Variants in CHD1L observed in about 807,000 individuals in gnomAD.
CHD1L encodes the protein ATP-dependent chromatin remodeler CHD1L.
In CHD1L, 118 loss-of-function variants were observed where a neutral mutation model predicts 115.9. The ratio of observed to expected loss-of-function variants is 1.02; its 90% confidence interval spans 0.88 to 1.19. CHD1L has a LOEUF of 1.19. Among genes scored for constraint, CHD1L ranks in the 50% most tolerant of loss-of-function variants. The pLI is 0.00. For synonymous variants in CHD1L, 411 were observed against 387.1 expected, an observed-to-expected ratio of 1.06 and a Z score of -0.72; for missense variants, 1,179 against 1,065.3, an observed-to-expected ratio of 1.11 and a Z score of -1.49.
Position 147,287,630 on chromosome 1 carries a change from A to G in CHD1L, c.2222-5A>G, listed in dbSNP as rs372696634. On this transcript the variant is annotated splice_polypyrimidine_tract_variant and splice_region_variant and intron_variant, in intron 18 of 22. Transcript: ENST00000369258. ...TAGATGAAAATTTTCTCTTTCTTCA[A>G]ACAGATGACTCTGGCCACTGGGGCA... 5 of 1,611,768 alleles carry G rather than the reference A, an allele frequency of 3.1e-6. No individual in the cohort carries two copies. The highest frequency in any genetic ancestry group is 2.7e-5 in the African/African-American group (2 of 74,710).
intron 6 of CHD1L, among the ~76,000 whole-genome samples, chr1:147,262,248 T>C (rs1553944669): frequency 6.6e-6 from 1 of 150,724 alleles, no homozygotes; most frequent in African/African-American, 2.4e-5. Flanking sequence ...ATATAGGGAA[T>C]TGGTTGTACA....
chr1:147,233,637 G>A, the CHD1L span, among the ~76,000 whole-genome samples: 7 of 152,296 alleles, frequency 4.6e-5, no homozygotes, highest in East Asian at 7.7e-4. Flanking sequence ...TGACAATGGC[G>A]GTTGTGGAAT....
chr1:147,277,127 G>A (rs1387619419), intron 14 of CHD1L, among the ~76,000 whole-genome samples: 1 of 152,138 alleles, frequency 6.6e-6, no homozygotes, highest in Non-Finnish European at 1.5e-5. Context: ...AAAATAAGAA[G>A]TAGGGCAGAG....
chr1:147,234,534 T>C, the CHD1L span, among the ~76,000 whole-genome samples: 3 of 152,244 alleles, frequency 2.0e-5, no homozygotes, highest in Admixed American at 2.0e-4. Context: ...ATAACACATG[T>C]AAAGTGCCCA....
chr1:147,196,650 G>A, the CHD1L span, among the ~76,000 whole-genome samples: 4 of 151,830 alleles, frequency 2.6e-5, no homozygotes, highest in Non-Finnish European at 5.9e-5. Context: ...TATACTCTGT[G>A]GTACAGTTAT....
chr1:147,255,678 C>G, intron 3 of CHD1L, 135 bp from the exon 4 acceptor site: 1 of 547,758 alleles, frequency 1.8e-6, no homozygotes. Context: ...AGATTCAGAG[C>G]CCCAAGACTC....
At chr1:147,197,746 A>G in the CHD1L span, among the ~76,000 whole-genome samples, 1 of 152,172 alleles carries the variant, frequency 6.6e-6, no homozygotes, top group African/African-American at 2.4e-5. Flanking sequence ...ACTCAGCCTC[A>G]GGCAGTTCTT....
intron 14 of CHD1L, among the ~76,000 whole-genome samples, chr1:147,277,110 AGAAAG>A (rs1453466553): frequency 1.3e-5 from 2 of 152,192 alleles, no homozygotes; most frequent in Admixed American, 6.5e-5. Context: ...TGAGGAGAGA[AGAAAG>A]GAAAATAAGA....
At chr1:147,234,630 T>C in the CHD1L span, among the ~76,000 whole-genome samples, 1 of 152,360 alleles carries the variant, frequency 6.6e-6, no homozygotes, top group East Asian at 1.9e-4. Flanking sequence ...TAAAAATGTT[T>C]TTACTAATTT....
the CHD1L span, chr1:147,212,669 T>A: frequency 1.2e-6 from 1 of 829,104 alleles, no homozygotes; most frequent in Non-Finnish European, 1.9e-6. Context: ...AGCTACTTTC[T>A]TGCCTTTCTC....
At position 147,280,208 on chromosome 1, in the gene CHD1L, A is replaced by G. The variant is rs923223170; in HGVS notation, c.1705+17A>G. 3.2e-6 allele frequency: 5 copies of G among 1,552,962 alleles called. No homozygotes were observed. Among genetic ancestry groups the G allele is most frequent in the Admixed American group, 2.0e-5 (1 of 50,386 alleles). ...AGGAAGGAAGTAAGTTGGAGGTTAGAGCAGAGCAAATGGCACAACCACCCC... is the reference window on the plus strand; with the variant it reads ...AGGAAGGAAGTAAGTTGGAGGTTAGGGCAGAGCAAATGGCACAACCACCCC... On this transcript the variant is annotated intron_variant, in intron 15 of 22. Transcript: ENST00000369258.
In CHD1L at chr1:147,256,565, G is replaced by A. The variant is rs1670225724; in HGVS notation, c.494+3G>A. ...AAAGATGCATCATTTCTAAAATCGT[G>A]AGTAGGTTGTACTATTTAAGAACTT... On this transcript the variant is annotated splice_donor_region_variant and intron_variant, in intron 5 of 22. Transcript: ENST00000369258. The A allele has an allele frequency of 6.2e-7, 1 of 1,612,954 alleles. No homozygotes were observed. Among genetic ancestry groups the A allele is most frequent in the African/African-American group, 1.3e-5 (1 of 74,996 alleles).
chr1:147,284,525 G>A, intron 16 of CHD1L, 26 bp downstream of exon 16: 1 of 1,532,784 alleles, frequency 6.5e-7, no homozygotes, highest in Non-Finnish European at 8.7e-7. Context: ...TTATTTAAAA[G>A]TTGTTCTTCC....
chr1:147,194,701 T>C, the CHD1L span, among the ~76,000 whole-genome samples: 1 of 152,062 alleles, frequency 6.6e-6, no homozygotes, highest in African/African-American at 2.4e-5. Context: ...AGAGCAGGCC[T>C]GGTGGTCACA....
At chr1:147,274,430 T>G (rs1207622870) in intron 12 of CHD1L, among the ~76,000 whole-genome samples, 1 of 152,170 alleles carries the variant, frequency 6.6e-6, no homozygotes, top group Non-Finnish European at 1.5e-5. Context: ...CCTGCCTGAT[T>G]TGTCTGGAGA....
intron 15 of CHD1L, among the ~76,000 whole-genome samples, chr1:147,282,265 AC>A: frequency 6.6e-6 from 1 of 152,134 alleles, no homozygotes. Flanking sequence ...TTCTCCAGAG[AC>A]CAATCTTCTA....
At chr1:147,271,883 T>G (rs1188214738) in intron 11 of CHD1L, among the ~76,000 whole-genome samples, 2 of 152,248 alleles carry the variant, frequency 1.3e-5, no homozygotes, top group African/African-American at 2.4e-5. Context: ...GGATAGATGC[T>G]CAGGGTTGCT....
the CHD1L span, chr1:147,186,714 G>A: frequency 3.5e-6 from 5 of 1,419,560 alleles, no homozygotes; most frequent in Non-Finnish European, 4.6e-6. Context: ...GAGTGGAAGG[G>A]AGATGAGTTA....
intron 14 of CHD1L, among the ~76,000 whole-genome samples, chr1:147,277,429 A>G (rs1678943709): frequency 6.6e-6 from 1 of 152,216 alleles, no homozygotes; most frequent in Non-Finnish European, 1.5e-5. Flanking sequence ...ATATCTTTAC[A>G]TATCAGTGTT....
Sources: gnomAD v4.1 joint callset for allele counts (sites outside exome capture counted in the v4.1 genomes callset) on GRCh38, gnomAD v4.1.1 for gene constraint, MANE v1.5 for transcripts, NCBI Gene and HGNC (gene_info 2026-07-23, HGNC 2026-07-21) for gene names.